CCSER1: variants seen among roughly 807,000 people sequenced by gnomAD.
CCSER1 encodes coiled-coil serine rich protein 1, also known as serine-rich coiled-coil domain-containing protein 1.
A neutral mutation model predicts 82.0 loss-of-function variants in CCSER1; 41 were observed. The observed-to-expected ratio is 0.50, with a 90% confidence interval of 0.39 to 0.65. The LOEUF (loss-of-function observed/expected upper bound fraction) is 0.65, where lower values mean the gene tolerates loss of function less well. CCSER1 is among the 30% of genes least tolerant of loss of function. The pLI is 0.00. For synonymous variants in CCSER1, 414 were observed against 383.9 expected (o/e 1.08, Z -0.92); for missense variants, 1,119 against 1,064.2 (o/e 1.05, Z -0.72).
At chr4:91,174,692 G>A (rs1265381701) in intron 10 of CCSER1, among the ~76,000 whole-genome samples, 3 of 151,976 alleles carry the variant, frequency 2.0e-5, no homozygotes, top group East Asian at 1.9e-4. Context: ...AATGTTTAAT[G>A]TGTTATACCA....
At chr4:91,578,868 C>T (rs992256182) in intron 10 of CCSER1, among the ~76,000 whole-genome samples, 1 of 151,774 alleles carries the variant, frequency 6.6e-6, no homozygotes, top group Non-Finnish European at 1.5e-5. Flanking sequence ...TACAGAAGTA[C>T]CCACTAGTGG....
In CCSER1 at chr4:90,239,758, C is replaced by T. The variant is rs533439623; in HGVS notation, c.-41-68486C>T. Among the ~76,000 whole-genome samples the T allele has an allele frequency of 5.3e-5, 8 of 152,156 alleles. No individual in the cohort carries two copies. The East Asian group carries it at 5.8e-4, about 11-fold the overall frequency. ...TCCCAAAGTACTGGGATTATAGGCA[C>T]GATCCTGCACCTGCCCCAATTCTGT... On this transcript the variant is annotated intron_variant, in intron 1 of 10. Coordinates refer to ENST00000509176, the MANE Select transcript of CCSER1 (RefSeq NM_001145065.2).
chr4:91,508,009 TATGA>T (rs1027794668), intron 10 of CCSER1, among the ~76,000 whole-genome samples: 3 of 92,106 alleles, frequency 3.3e-5, no homozygotes, highest in African/African-American at 1.3e-4. Context: ...TATATATATA[TATGA>T]AATTATGTCA....
At chr4:91,582,231 C>T (rs929667062) in intron 10 of CCSER1, among the ~76,000 whole-genome samples, 1 of 151,468 alleles carries the variant, frequency 6.6e-6, no homozygotes, top group African/African-American at 2.4e-5. Flanking sequence ...GTGCAGAAAC[C>T]ACTTTCTATA....
intron 10 of CCSER1, among the ~76,000 whole-genome samples, chr4:91,392,363 G>GCACACACGCACACACACACACA (rs58770768): frequency 6.8e-5 from 10 of 148,116 alleles, no homozygotes; most frequent in Admixed American, 2.0e-4. Context: ...ACCTACACAT[G>GCACACACGCACACACACACACA]CACACACACA....
Position 90,628,098 on chromosome 4 carries a change from A to G in CCSER1, c.1798A>G (p.Ser600Gly), listed in dbSNP as rs561753715. ...RCSHISRMPN[S>G]PSADWPLQGV... Reference sequence around the variant, plus strand: ...TTCCCACATCAGCCGAATGCCCAACAGTCCATCTGCGGATTGGCCTCTACA... The same window carrying G: ...TTCCCACATCAGCCGAATGCCCAACGGTCCATCTGCGGATTGGCCTCTACA... The change falls in exon 6 of 11, where the codon AGT becomes GGT. Residue 600 changes from serine to glycine, a missense_variant. Coordinates refer to ENST00000509176, the MANE Select transcript of CCSER1 (RefSeq NM_001145065.2). 11 of 1,613,742 alleles carry G rather than the reference A, an allele frequency of 6.8e-6. No individual in the cohort carries two copies. The Admixed American group carries it at 1.2e-4, about 17-fold the overall frequency.
At position 91,013,534 on chromosome 4, in the gene CCSER1, A is replaced by G. The variant is rs1739167923; in HGVS notation, c.2173-72416A>G. On this transcript the variant is annotated intron_variant, in intron 9 of 10. Coordinates refer to ENST00000509176, the MANE Select transcript of CCSER1 (RefSeq NM_001145065.2). ...CAGCTTTTTTGTTCTTTCTCAAGAC[A>G]TATATATATATATATTTTTTTGCTA... Among the ~76,000 whole-genome samples the G allele has an allele frequency of 1.6e-5, 2 of 124,492 alleles. 1 individual carries two copies. Among genetic ancestry groups the G allele is most frequent in the Non-Finnish European group, 3.6e-5 (2 of 54,996 alleles). The allele number at this position is 124,492 out of a possible 152,430, so 81.7% of individuals were successfully genotyped here. A position where few individuals can be genotyped will look rare whatever the true frequency, so the allele number is the denominator to read the frequency against.
At chr4:90,773,228 G>A (rs575098932) in intron 7 of CCSER1, among the ~76,000 whole-genome samples, 9 of 152,274 alleles carry the variant, frequency 5.9e-5, no homozygotes, top group Middle Eastern at 3.4e-3. Context: ...AAACAAGAGC[G>A]AAACTCTGTC....
At chr4:90,347,916 C>G (rs1303571749) in intron 3 of CCSER1, among the ~76,000 whole-genome samples, 1 of 152,050 alleles carries the variant, frequency 6.6e-6, no homozygotes, top group Non-Finnish European at 1.5e-5. Flanking sequence ...CAGTAAACAC[C>G]ATGGAATATT....
At chr4:90,931,590 CACTA>C (rs1561381921) in intron 9 of CCSER1, among the ~76,000 whole-genome samples, 1 of 152,080 alleles carries the variant, frequency 6.6e-6, no homozygotes, top group African/African-American at 2.4e-5. Flanking sequence ...TTTCACAGTA[CACTA>C]GCTCATGGCT....
At chr4:91,312,251 A>G (rs1353736065) in intron 10 of CCSER1, among the ~76,000 whole-genome samples, 1 of 151,814 alleles carries the variant, frequency 6.6e-6, no homozygotes, top group South Asian at 2.1e-4. Context: ...ATAAGATAAT[A>G]TGAATTTCCA....
intron 10 of CCSER1, among the ~76,000 whole-genome samples, chr4:91,180,955 G>A (rs916538980): frequency 2.0e-5 from 3 of 152,222 alleles, no homozygotes; most frequent in Non-Finnish European, 4.4e-5. Flanking sequence ...GTTAACTGCA[G>A]CAGGAGCATG....
chr4:91,577,212 C>G (rs572433048), intron 10 of CCSER1, among the ~76,000 whole-genome samples: 5 of 151,818 alleles, frequency 3.3e-5, no homozygotes, highest in Non-Finnish European at 7.4e-5. Context: ...AAAGTTCAGA[C>G]AGTTTATGAG....
At chr4:91,218,043 CG>C (rs1489877474) in intron 10 of CCSER1, among the ~76,000 whole-genome samples, 2 of 152,252 alleles carry the variant, frequency 1.3e-5, no homozygotes, top group East Asian at 3.9e-4. Flanking sequence ...GGGGAGGCTC[CG>C]GCCGCACAGG....
At chr4:90,767,472 A>G (rs1215270400) in intron 7 of CCSER1, among the ~76,000 whole-genome samples, 1 of 152,206 alleles carries the variant, frequency 6.6e-6, no homozygotes, top group African/African-American at 2.4e-5. Context: ...TCCAGGTTGC[A>G]CATACTGAAC....
chr4:90,749,621 C>T (rs1372457922), intron 7 of CCSER1, among the ~76,000 whole-genome samples: 5 of 151,986 alleles, frequency 3.3e-5, no homozygotes, highest in South Asian at 2.1e-4. Context: ...CTGTAAATTA[C>T]CTTGGGCAGT....
intron 8 of CCSER1, among the ~76,000 whole-genome samples, chr4:90,831,819 T>C (rs1021001648): frequency 3.3e-5 from 5 of 152,170 alleles, no homozygotes; most frequent in African/African-American, 1.2e-4. Context: ...AGTTATCTAA[T>C]AAGAGAAGAG....
intron 10 of CCSER1, among the ~76,000 whole-genome samples, chr4:91,301,991 A>G (rs1744705889): frequency 6.8e-6 from 1 of 147,232 alleles, no homozygotes; most frequent in South Asian, 2.2e-4. Context: ...TCCTTCGTTT[A>G]TTTCCTTTTT....
At chr4:91,471,257 T>A (rs919624426) in intron 10 of CCSER1, among the ~76,000 whole-genome samples, 13 of 152,154 alleles carry the variant, frequency 8.5e-5, no homozygotes, top group African/African-American at 3.1e-4. Context: ...ATTTGAAGGA[T>A]AAGAACACTA....
Sources: allele counts gnomAD v4.1 joint callset (sites outside exome capture counted in the v4.1 genomes callset), GRCh38; gene constraint gnomAD v4.1.1; transcripts MANE v1.5; gene names NCBI Gene and HGNC (gene_info 2026-07-23, HGNC 2026-07-21).